RANBP2: variants seen among roughly 807,000 people sequenced by gnomAD.
The protein encoded by RANBP2 is E3 SUMO-protein ligase RanBP2.
A neutral mutation model predicts 303.6 loss-of-function variants in RANBP2; 57 were observed. That is an observed-to-expected ratio of 0.19 (90% CI 0.15 to 0.23). RANBP2 has a LOEUF of 0.23. Ranked by LOEUF, RANBP2 falls within the 10% of genes least tolerant of loss-of-function variation. The probability of loss-of-function intolerance (pLI) is 1.00; values close to 1 mark genes in which losing one functional copy is unlikely to be tolerated. For synonymous variants in RANBP2, 1,167 were observed against 1,301.5 expected, an observed-to-expected ratio of 0.90 and a Z score of 2.23; for missense variants, 3,138 against 3,780.8, an observed-to-expected ratio of 0.83 and a Z score of 4.46.
At chr2:108,926,345 C>T in the RANBP2 span, among the ~76,000 whole-genome samples, 1 of 152,208 alleles carries the variant, frequency 6.6e-6, no homozygotes, top group African/African-American at 2.4e-5. Flanking sequence ...GTGTATAGCC[C>T]AGGACAAGAG....
At chr2:109,075,911 G>C in the RANBP2 span, among the ~76,000 whole-genome samples, 1 of 150,408 alleles carries the variant, frequency 6.6e-6, no homozygotes, top group Non-Finnish European at 1.5e-5. Flanking sequence ...TCTAAAAATA[G>C]AAAAAGAGGA....
At chr2:109,071,287 T>C in the RANBP2 span, among the ~76,000 whole-genome samples, 1 of 152,212 alleles carries the variant, frequency 6.6e-6, no homozygotes. Flanking sequence ...GATACAGAGA[T>C]ATGGAAGACT....
chr2:108,976,885 C>A, the RANBP2 span, among the ~76,000 whole-genome samples: 1 of 152,072 alleles, frequency 6.6e-6, no homozygotes, highest in African/African-American at 2.4e-5. Flanking sequence ...ATTTTCCCTG[C>A]CCCAGCTCTG....
the RANBP2 span, among the ~76,000 whole-genome samples, chr2:109,685,165 G>T: frequency 1.3e-5 from 2 of 152,250 alleles, no homozygotes; most frequent in South Asian, 2.1e-4. Flanking sequence ...GAGCCACCGC[G>T]CCCAGCCCTC....
the RANBP2 span, among the ~76,000 whole-genome samples, chr2:109,713,105 C>G: frequency 3.9e-5 from 6 of 152,254 alleles, no homozygotes; most frequent in Admixed American, 3.9e-4. Context: ...CTCTTGAAAC[C>G]CTCCCTCCTC....
chr2:109,186,526 T>G, the RANBP2 span, among the ~76,000 whole-genome samples: 1 of 152,234 alleles, frequency 6.6e-6, no homozygotes, highest in Non-Finnish European at 1.5e-5. Flanking sequence ...CAGACCTTGA[T>G]TTAGAAAGTC....
chr2:108,914,517 A>C, the RANBP2 span, among the ~76,000 whole-genome samples: 5 of 152,134 alleles, frequency 3.3e-5, no homozygotes, highest in African/African-American at 9.7e-5. Flanking sequence ...GCGGGGATAA[A>C]ATGGAAGCTG....
the RANBP2 span, among the ~76,000 whole-genome samples, chr2:109,246,530 G>C: frequency 6.6e-6 from 1 of 152,212 alleles, no homozygotes; most frequent in African/African-American, 2.4e-5. Context: ...TCAGTCCATT[G>C]CATACTCCAA....
At chr2:108,745,567 C>T (rs192618304) in intron 7 of RANBP2, among the ~76,000 whole-genome samples, 1 of 149,984 alleles carries the variant, frequency 6.7e-6, no homozygotes, top group Non-Finnish European at 1.5e-5. Flanking sequence ...GCAGCTGTCA[C>T]GTCTTCCCTT....
the RANBP2 span, among the ~76,000 whole-genome samples, chr2:109,023,682 A>T: frequency 6.6e-6 from 1 of 152,152 alleles, no homozygotes; most frequent in African/African-American, 2.4e-5. Context: ...CAGTGTGTAT[A>T]CCTATAGTCC....
At chr2:108,851,587 G>A in the RANBP2 span, among the ~76,000 whole-genome samples, 1 of 151,640 alleles carries the variant, frequency 6.6e-6, no homozygotes, top group African/African-American at 2.4e-5. Context: ...ACAGGCGTGA[G>A]CCACCGCGCC....
the RANBP2 span, among the ~76,000 whole-genome samples, chr2:109,190,542 G>A: frequency 6.6e-6 from 1 of 152,098 alleles, no homozygotes; most frequent in African/African-American, 2.4e-5. Flanking sequence ...TGTTTCCTGT[G>A]GAATTGTATA....
the RANBP2 span, among the ~76,000 whole-genome samples, chr2:109,459,927 A>G: frequency 6.6e-6 from 1 of 152,330 alleles, no homozygotes; most frequent in Non-Finnish European, 1.5e-5. Flanking sequence ...ATAGCACCAT[A>G]TATTTGATGC....
At chr2:109,281,742 G>A in the RANBP2 span, among the ~76,000 whole-genome samples, 1 of 152,166 alleles carries the variant, frequency 6.6e-6, no homozygotes, top group African/African-American at 2.4e-5. Flanking sequence ...GGTGGAGTGG[G>A]TGCAGGCCCA....
chr2:109,739,611 A>G, the RANBP2 span, among the ~76,000 whole-genome samples: 2 of 152,154 alleles, frequency 1.3e-5, no homozygotes, highest in Non-Finnish European at 2.9e-5. Context: ...TGTCAGTTCT[A>G]TTAGATTTTT....
At chr2:109,355,777 C>T in the RANBP2 span, among the ~76,000 whole-genome samples, 1,182 of 152,258 alleles carry the variant, frequency 7.8e-3, 17 homozygotes, top group African/African-American at 0.027. Context: ...TCAGTCTTGC[C>T]GTCTTCATAT....
the RANBP2 span, among the ~76,000 whole-genome samples, chr2:109,101,454 G>A: frequency 6.6e-6 from 1 of 152,034 alleles, no homozygotes; most frequent in Non-Finnish European, 1.5e-5. Context: ...GGGAACTCGG[G>A]AGGTGGAGCT....
At chr2:109,669,241 G>A in the RANBP2 span, among the ~76,000 whole-genome samples, 1 of 152,228 alleles carries the variant, frequency 6.6e-6, no homozygotes, top group African/African-American at 2.4e-5. Flanking sequence ...AAAACATTGT[G>A]GAAACACTCC....
chr2:108,724,908 G>A (rs1417347452), intron 1 of RANBP2, among the ~76,000 whole-genome samples: 1 of 151,980 alleles, frequency 6.6e-6, no homozygotes, highest in Admixed American at 6.6e-5. Flanking sequence ...GAGGATTTTA[G>A]GGGGAGGGAG....
Sources: allele counts gnomAD v4.1 joint callset (sites outside exome capture counted in the v4.1 genomes callset), GRCh38; gene constraint gnomAD v4.1.1; transcripts MANE v1.5; gene names NCBI Gene and HGNC (gene_info 2026-07-23, HGNC 2026-07-21).